The following COX7B2 variants were observed in gnomAD, a reference collection of about 807,000 sequenced individuals.
COX7B2 encodes cytochrome c oxidase subunit 7B2, mitochondrial.
For synonymous variants in COX7B2, 37 were observed against 32.1 expected (o/e 1.15, Z -0.51); for missense variants, 109 against 95.9 (o/e 1.14, Z -0.57).
intron 1 of COX7B2, among the ~76,000 whole-genome samples, chr4:46,896,297 A>C (rs1719757881): frequency 6.6e-6 from 1 of 152,198 alleles, no homozygotes; most frequent in Non-Finnish European, 1.5e-5. Context: ...GGAAATCTCT[A>C]TCTCAGTAGT....
chr4:46,802,349 T>C (rs1718701120), intron 2 of COX7B2, among the ~76,000 whole-genome samples: 1 of 152,174 alleles, frequency 6.6e-6, no homozygotes, highest in South Asian at 2.1e-4. Flanking sequence ...GGAATCATGT[T>C]AAACATCCTG....
rs1246872224 is a variant in COX7B2, at chr4:46,859,021, C to T, written c.-104-14007G>A. Among the ~76,000 whole-genome samples the T allele has an allele frequency of 3.9e-5, 6 of 152,188 alleles. No homozygotes were observed. The East Asian group carries it at 5.8e-4, about 15-fold the overall frequency. On this transcript the variant is annotated intron_variant, in intron 1 of 2. Coordinates refer to ENST00000355591, the MANE Select transcript of COX7B2 (RefSeq NM_130902.3). ...ACCTCAAACTAGATCTGTCAACTTA[C>T]GATGTAAAAAATACTCTTTCAGAGA...
chr4:46,859,169 G>C (rs1560423620), intron 1 of COX7B2, among the ~76,000 whole-genome samples: 1 of 152,276 alleles, frequency 6.6e-6, no homozygotes, highest in East Asian at 1.9e-4. Context: ...GTCTCACAAG[G>C]AATGTAGTGT....
chr4:46,816,061 G>A (rs114999506), intron 2 of COX7B2, among the ~76,000 whole-genome samples: 1,681 of 152,076 alleles, frequency 0.011, 20 homozygotes, highest in Middle Eastern at 0.041. Context: ...GGCCACTCTC[G>A]GTCAGTCCTC....
chr4:46,891,237 G>C (rs899255482), intron 1 of COX7B2, among the ~76,000 whole-genome samples: 1 of 152,168 alleles, frequency 6.6e-6, no homozygotes, highest in East Asian at 1.9e-4. Flanking sequence ...TCATATTTAA[G>C]TAGACATTTG....
intron 1 of COX7B2, among the ~76,000 whole-genome samples, chr4:46,896,140 ATTAC>A (rs939679698): frequency 1.3e-5 from 2 of 152,280 alleles, no homozygotes; most frequent in African/African-American, 4.8e-5. Flanking sequence ...ACTAAAAATA[ATTAC>A]TTACTGCGTA....
intron 2 of COX7B2, among the ~76,000 whole-genome samples, chr4:46,779,917 T>C (rs988710455): frequency 1.3e-5 from 2 of 152,186 alleles, no homozygotes; most frequent in African/African-American, 4.8e-5. Flanking sequence ...AATAATTCAC[T>C]ATAGTGAATA....
chr4:46,863,606 C>T (rs1418593852), intron 1 of COX7B2, among the ~76,000 whole-genome samples: 7 of 152,152 alleles, frequency 4.6e-5, no homozygotes, highest in Admixed American at 4.6e-4. Flanking sequence ...TTCTCAGATT[C>T]ATATCTCATA....
chr4:46,824,654 TAAAAA>T (rs34090448), intron 2 of COX7B2, among the ~76,000 whole-genome samples: 3 of 130,312 alleles, frequency 2.3e-5, no homozygotes, highest in Middle Eastern at 3.8e-3. Flanking sequence ...ACTGTTTGTG[TAAAAA>T]AAAAAAAAAA....
intron 1 of COX7B2, among the ~76,000 whole-genome samples, chr4:46,859,321 T>G (rs1459438199): frequency 6.6e-6 from 1 of 152,088 alleles, no homozygotes; most frequent in Admixed American, 6.5e-5. Flanking sequence ...CTCTCTACAC[T>G]CCCTCTTTTT....
At chr4:46,814,203 G>A (rs1017435499) in intron 2 of COX7B2, among the ~76,000 whole-genome samples, 1 of 152,120 alleles carries the variant, frequency 6.6e-6, no homozygotes, top group African/African-American at 2.4e-5. Context: ...TTAAAGGGAC[G>A]GTTTTTAAAG....
chr4:46,817,722 A>G (rs924105735), intron 2 of COX7B2, among the ~76,000 whole-genome samples: 3 of 152,198 alleles, frequency 2.0e-5, no homozygotes, highest in African/African-American at 7.2e-5. Context: ...GTCAGACTCA[A>G]TGAAATTTAA....
intron 2 of COX7B2, among the ~76,000 whole-genome samples, chr4:46,792,268 T>C (rs1046878470): frequency 1.1e-4 from 16 of 152,340 alleles, no homozygotes; most frequent in Admixed American, 9.1e-4. Context: ...ACAGGCAATG[T>C]TATAGCTAAT....
rs150166128 is a variant in COX7B2 at position 46,890,716 on chromosome 4, A to T, written c.-105+18444T>A. On this transcript the variant is annotated intron_variant, in intron 1 of 2. Transcript: ENST00000355591. The stretch of plus-strand genomic sequence containing the variant: ...GACAGAGGGACTAGAAAGTGCAAAA[A>T]CTCTGAAGGAGTGTTCTTAAAGTAT... Among the ~76,000 whole-genome samples, 28 of 152,254 alleles carry T rather than the reference A, an allele frequency of 1.8e-4. No homozygotes were observed. The East Asian group carries it at 5.4e-3, about 29-fold the overall frequency.
intron 1 of COX7B2, among the ~76,000 whole-genome samples, chr4:46,854,984 T>C (rs996734203): frequency 3.3e-5 from 5 of 152,188 alleles, no homozygotes; most frequent in Admixed American, 6.5e-5. Context: ...GTTTCTGTAA[T>C]AATGTTGTAC....
intron 1 of COX7B2, among the ~76,000 whole-genome samples, chr4:46,882,888 T>C (rs976646116): frequency 1.3e-5 from 2 of 152,124 alleles, no homozygotes; most frequent in African/African-American, 4.8e-5. Flanking sequence ...CCACAAATCA[T>C]TATCACTATA....
chr4:46,781,747 C>G (rs1717464701), intron 2 of COX7B2, among the ~76,000 whole-genome samples: 1 of 152,240 alleles, frequency 6.6e-6, no homozygotes, highest in South Asian at 2.1e-4. Flanking sequence ...CGGGTGGGCG[C>G]AGGCTCAGCA....
intron 2 of COX7B2, among the ~76,000 whole-genome samples, chr4:46,756,434 C>T (rs1235727702): frequency 1.3e-5 from 2 of 151,832 alleles, no homozygotes; most frequent in Non-Finnish European, 2.9e-5. Context: ...GCAACCAAAA[C>T]AAAAATAGAC....
In COX7B2 at chr4:46,788,099, CAA is replaced by C. The variant is rs574119019; in HGVS notation, c.-49-52860_-49-52859del. On this transcript the variant is annotated intron_variant, in intron 2 of 2. Coordinates refer to ENST00000355591, the MANE Select transcript of COX7B2 (RefSeq NM_130902.3). The stretch of plus-strand genomic sequence containing the variant: ...GATTGAGAAAATAACAAAAGCAAAA[CAA>C]GAGAAAAAAAGTAAAGGAAAACGTA... Among the ~76,000 whole-genome samples the C allele has an allele frequency of 1.2e-3, 187 of 151,564 alleles. 1 individual carries two copies. Among genetic ancestry groups the C allele is most frequent in the African/African-American group, 4.3e-3 (177 of 41,328 alleles).
Sources: gnomAD v4.1 joint callset for allele counts (sites outside exome capture counted in the v4.1 genomes callset) on GRCh38, gnomAD v4.1.1 for gene constraint, MANE v1.5 for transcripts, NCBI Gene and HGNC (gene_info 2026-07-23, HGNC 2026-07-21) for gene names.